HIP1: variants seen among roughly 807,000 people sequenced by gnomAD.
HIP1 encodes huntingtin-interacting protein 1.
Under a neutral mutation model 147.6 loss-of-function variants are expected in HIP1, and 65 were observed. The ratio of observed to expected loss-of-function variants is 0.44; its 90% CI spans 0.36 to 0.54. The LOEUF (loss-of-function observed/expected upper bound fraction) is 0.54, where lower values mean the gene tolerates loss of function less well. HIP1 is among the 20% of genes least tolerant of loss of function. HIP1 has a pLI of 0.00. For synonymous variants in HIP1, 479 were observed against 504.0 expected (o/e 0.95, Z 0.67); for missense variants, 1,061 against 1,299.6 (o/e 0.82, Z 2.82).
intron 21 of HIP1, 53 bp downstream of exon 21, chr7:75,554,060 A>G: frequency 7.1e-7 from 1 of 1,406,622 alleles, no homozygotes; most frequent in Non-Finnish European, 1.0e-6. Context: ...GAGACTTTTA[A>G]AGGCCCCCTG....
In HIP1 at chr7:75,604,236, T is replaced by A. The variant is rs116652871; in HGVS notation, c.121-4989A>T. On this transcript the variant is annotated intron_variant, in intron 1 of 30. Coordinates refer to ENST00000336926, the MANE Select transcript of HIP1 (RefSeq NM_005338.7). ...AAGGTTGTCTGCAGTCAGAAAGGAC[T>A]TACAAGGCATATAAACACATAGAAG... Among the ~76,000 whole-genome samples the A allele has an allele frequency of 8.7e-3, 1,327 of 152,280 alleles. 28 individuals are homozygous for A. The highest frequency in any genetic ancestry group is 0.031 in the African/African-American group (1,272 of 41,570).
At chr7:75,584,783 T>C (rs1796191306) in intron 5 of HIP1, among the ~76,000 whole-genome samples, 2 of 151,652 alleles carry the variant, frequency 1.3e-5, no homozygotes, top group Non-Finnish European at 2.9e-5. Context: ...CTCTACACCC[T>C]CCTTTCTTTC....
intron 16 of HIP1, 38 bp from the exon 17 acceptor site, chr7:75,556,849 T>G (rs782151511): frequency 8.3e-7 from 1 of 1,198,532 alleles, no homozygotes; most frequent in Non-Finnish European, 1.2e-6. Context: ...CTGATCTGGG[T>G]GACAGTGACA....
intron 27 of HIP1, among the ~76,000 whole-genome samples, chr7:75,544,175 A>G (rs1794444319): frequency 7.8e-6 from 1 of 128,050 alleles, no homozygotes; most frequent in African/African-American, 4.5e-5. Flanking sequence ...CTGTCTCCAA[A>G]AAAAAAAAAA....
At chr7:75,576,052 G>A (rs1795836834) in intron 7 of HIP1, among the ~76,000 whole-genome samples, 1 of 152,188 alleles carries the variant, frequency 6.6e-6, no homozygotes, top group Admixed American at 6.6e-5. Flanking sequence ...GGAACCACGG[G>A]CTGTTCCATT....
chr7:75,651,989 A>G (rs1554512052), intron 1 of HIP1, among the ~76,000 whole-genome samples: 1 of 149,210 alleles, frequency 6.7e-6, no homozygotes, highest in Non-Finnish European at 1.5e-5. Context: ...AGCCTGGGCG[A>G]CAGAGCGAGA....
chr7:75,583,935 G>T (rs1309618486), intron 5 of HIP1, among the ~76,000 whole-genome samples: 1 of 147,274 alleles, frequency 6.8e-6, no homozygotes, highest in East Asian at 2.1e-4. Flanking sequence ...GCCAGAGAAT[G>T]AATTTTTCTT....
chr7:75,646,433 C>A (rs1798806107), intron 1 of HIP1, among the ~76,000 whole-genome samples: 1 of 152,250 alleles, frequency 6.6e-6, no homozygotes, highest in South Asian at 2.1e-4. Context: ...TTGCTGACCA[C>A]AGGGTCTACA....
intron 1 of HIP1, among the ~76,000 whole-genome samples, chr7:75,718,272 G>A (rs1051113797): frequency 2.6e-5 from 4 of 151,998 alleles, no homozygotes; most frequent in African/African-American, 4.8e-5. Flanking sequence ...TGGGAGGGTC[G>A]CTTGAGCCCA....
intron 1 of HIP1, among the ~76,000 whole-genome samples, chr7:75,648,973 C>G (rs1204345527): frequency 2.0e-5 from 3 of 151,880 alleles, no homozygotes; most frequent in African/African-American, 7.3e-5. Context: ...CCATGACTGG[C>G]TATTTTTTAT....
At chr7:75,656,376 G>A (rs797027701) in intron 1 of HIP1, among the ~76,000 whole-genome samples, 1 of 149,506 alleles carries the variant, frequency 6.7e-6, no homozygotes, top group Non-Finnish European at 1.5e-5. Flanking sequence ...CACTCTGGGG[G>A]AGAAACATCC....
intron 1 of HIP1, among the ~76,000 whole-genome samples, chr7:75,617,151 T>G (rs1797699289): frequency 6.7e-6 from 1 of 150,340 alleles, no homozygotes; most frequent in Non-Finnish European, 1.5e-5. Flanking sequence ...CTCAGCTCAC[T>G]GCAACCTCCG....
At chr7:75,632,158 C>G (rs10234360) in intron 1 of HIP1, among the ~76,000 whole-genome samples, 7 of 152,078 alleles carry the variant, frequency 4.6e-5, no homozygotes, top group African/African-American at 1.7e-4. Context: ...GATGCGTGGT[C>G]GCCCTTGGTG....
chr7:75,547,952 T>C (rs1794633645), intron 23 of HIP1, 139 bp from the exon 24 acceptor site: 1 of 769,008 alleles, frequency 1.3e-6, no homozygotes, highest in East Asian at 2.5e-5. Flanking sequence ...CCCACATTCT[T>C]GAGAGAGTCA....
chr7:75,575,235 T>A (rs1404926097), intron 7 of HIP1, among the ~76,000 whole-genome samples: 1 of 150,202 alleles, frequency 6.7e-6, no homozygotes, highest in Non-Finnish European at 1.5e-5. Flanking sequence ...CCGAGGCGGG[T>A]GGATCGCCTG....
intron 1 of HIP1, among the ~76,000 whole-genome samples, chr7:75,631,931 G>A (rs911378282): frequency 6.6e-6 from 1 of 152,072 alleles, no homozygotes; most frequent in Non-Finnish European, 1.5e-5. Flanking sequence ...ATGGGGAAGT[G>A]GGAGGGAGAG....
intron 1 of HIP1, among the ~76,000 whole-genome samples, chr7:75,662,536 C>T (rs1444833595): frequency 1.3e-5 from 2 of 152,024 alleles, no homozygotes; most frequent in African/African-American, 4.8e-5. Context: ...GACAGCGTCT[C>T]GCTCTGTCGC....
intron 1 of HIP1, among the ~76,000 whole-genome samples, chr7:75,639,508 C>T (rs573023747): frequency 1.3e-5 from 2 of 151,344 alleles, no homozygotes; most frequent in East Asian, 3.9e-4. Flanking sequence ...CCCAGAGTTC[C>T]CGGTGGCGGG....
chr7:75,571,850 A>C (rs1055739227), intron 8 of HIP1, among the ~76,000 whole-genome samples: 13 of 152,110 alleles, frequency 8.5e-5, no homozygotes, highest in Non-Finnish European at 1.5e-4. Context: ...TCCCAAAGTG[A>C]TGGGATTCCA....
Sources: allele counts gnomAD v4.1 joint callset (sites outside exome capture counted in the v4.1 genomes callset), GRCh38; gene constraint gnomAD v4.1.1; transcripts MANE v1.5; gene names NCBI Gene and HGNC (gene_info 2026-07-23, HGNC 2026-07-21).